Variants in LRRC7 observed in about 807,000 individuals in gnomAD.
The protein encoded by LRRC7 is leucine rich repeat containing 7, also known as leucine-rich repeat-containing protein 7.
Under a neutral mutation model 175.7 loss-of-function variants are expected in LRRC7, and 23 were observed. The observed-to-expected ratio is 0.13, with a 90% CI of 0.09 to 0.19. The LOEUF is 0.19. Ranked by LOEUF, LRRC7 falls within the 10% of genes least tolerant of loss-of-function variation. The pLI is 1.00. For missense variants in LRRC7, 1,354 were observed against 1,904.7 expected (o/e 0.71, Z 5.38); for synonymous variants, 685 against 680.9 (o/e 1.01, Z -0.09).
rs1263130626 is a variant in LRRC7, at chr1:70,137,960, G to A, written c.*16073G>A. 1 of 152,144 alleles carries A rather than the reference G, an allele frequency of 6.6e-6. No homozygotes were observed. Among genetic ancestry groups the A allele is most frequent in the Non-Finnish European group, 1.5e-5 (1 of 68,016 alleles). 9.4% of individuals were successfully genotyped at this position (152,144 alleles called of 1,614,324 possible). On this transcript the variant is annotated 3_prime_UTR_variant, in exon 27 of 27. Transcript: ENST00000651989. ...CCCAGAGTTTTTGCTTGCTCTTTGAGGTTAAAATCAAAGATTTTTCACTCA... is the reference window on the plus strand; with the variant it reads ...CCCAGAGTTTTTGCTTGCTCTTTGAAGTTAAAATCAAAGATTTTTCACTCA...
intron 8 of LRRC7, among the ~76,000 whole-genome samples, chr1:69,939,762 C>T (rs533241029): frequency 1.3e-5 from 2 of 152,196 alleles, no homozygotes; most frequent in South Asian, 2.1e-4. Flanking sequence ...TGGTACTTGA[C>T]GTTTGTAGAA....
intron 2 of LRRC7, among the ~76,000 whole-genome samples, chr1:69,688,466 A>G (rs965441018): frequency 6.6e-6 from 1 of 152,162 alleles, no homozygotes. Context: ...GATGGTTTGC[A>G]TAACTGGAAG....
intron 7 of LRRC7, among the ~76,000 whole-genome samples, chr1:69,888,639 C>T (rs1342620184): frequency 6.6e-6 from 1 of 152,074 alleles, no homozygotes; most frequent in African/African-American, 2.4e-5. Context: ...CTTGGCTCCT[C>T]CTCCTGAGGA....
chr1:69,928,838 C>T (rs1448292758), intron 7 of LRRC7, among the ~76,000 whole-genome samples: 1 of 152,218 alleles, frequency 6.6e-6, no homozygotes, highest in African/African-American at 2.4e-5. Context: ...CTGTCTGGCA[C>T]TCCCTAGTGG....
At position 70,142,268 on chromosome 1, in the gene LRRC7, TTGTA is replaced by T. The variant is rs1250306561; in HGVS notation, c.*20386_*20389del. ...ATCTGGTTCAGGTCAGTAAGGACTG[TTGTA>T]TGTAAGTTTTACTCTAGAAAATTTG... On this transcript the variant is annotated 3_prime_UTR_variant, in exon 27 of 27. Coordinates refer to ENST00000651989, the MANE Select transcript of LRRC7 (RefSeq NM_001370785.2). The T allele has an allele frequency of 6.6e-5, 10 of 152,150 alleles. No individual in the cohort carries two copies. Among genetic ancestry groups the T allele is most frequent in the East Asian group, 1.9e-4 (1 of 5,198 alleles). 9.4% of individuals were successfully genotyped at this position (152,150 alleles called of 1,614,324 possible). A position where few individuals can be genotyped will look rare whatever the true frequency, so the allele number is the denominator to read the frequency against.
At chr1:69,726,792 C>T (rs1043408595) in intron 2 of LRRC7, among the ~76,000 whole-genome samples, 6 of 151,436 alleles carry the variant, frequency 4.0e-5, no homozygotes, top group Admixed American at 1.3e-4. Context: ...AAAAAGAATA[C>T]CAAGGAAAAA....
chr1:70,107,622 T>G (rs1315102121), intron 25 of LRRC7, 130 bp from the exon 26 acceptor site: 7 of 597,972 alleles, frequency 1.2e-5, no homozygotes, highest in Non-Finnish European at 2.1e-5. Context: ...TACTATAATA[T>G]TCTTTGAAGC....
At chr1:69,771,575 C>A (rs1310630848) in intron 3 of LRRC7, among the ~76,000 whole-genome samples, 2 of 151,964 alleles carry the variant, frequency 1.3e-5, no homozygotes, top group African/African-American at 4.8e-5. Flanking sequence ...ATTTTTCCTG[C>A]CAATTTTTGA....
rs1366611107 is a variant in LRRC7 at position 69,591,153 on chromosome 1, G to C, written c.2+22512G>C. 4.6e-5 allele frequency among the ~76,000 whole-genome samples: 7 copies of C among 152,194 alleles called. No individual in the cohort carries two copies. The East Asian group carries it at 9.7e-4, about 21-fold the overall frequency. ...GGATTACATATCAGAGGAATACCCT[G>C]TGCCAAGCCAATTATAGGAGTTTGC... On this transcript the variant is annotated intron_variant, in intron 1 of 26. Transcript: ENST00000651989.
chr1:69,783,143 T>C (rs1177125265), intron 3 of LRRC7, among the ~76,000 whole-genome samples: 1 of 152,186 alleles, frequency 6.6e-6, no homozygotes, highest in East Asian at 1.9e-4. Flanking sequence ...ATGTACAGCC[T>C]CTTGGGCTTT....
chr1:69,775,373 T>G lies in LRRC7; in HGVS notation c.303+14980T>G, dbSNP rs1269867318. Among the ~76,000 whole-genome samples the G allele has an allele frequency of 3.3e-5, 5 of 152,340 alleles. No individual in the cohort carries two copies. In the East Asian group the frequency reaches 9.6e-4, roughly 29 times the overall value. On this transcript the variant is annotated intron_variant, in intron 3 of 26. Transcript: ENST00000651989. ...TATATGACTTGACAGTTTGTTATAC[T>G]CTAGAGAATTAATCCCCTGTCAACT...
intron 2 of LRRC7, among the ~76,000 whole-genome samples, chr1:69,723,835 C>T (rs1557650875): frequency 6.6e-6 from 1 of 152,144 alleles, no homozygotes; most frequent in African/African-American, 2.4e-5. Flanking sequence ...GCAAGAGAGT[C>T]TCTGGGGTCG....
At chr1:69,571,793 G>A (rs572485311) in intron 1 of LRRC7, among the ~76,000 whole-genome samples, 1 of 152,102 alleles carries the variant, frequency 6.6e-6, no homozygotes, top group Admixed American at 6.5e-5. Context: ...CAGATTAACC[G>A]ACTACACGAA....
chr1:69,891,447 A>G (rs1372926708), intron 7 of LRRC7, among the ~76,000 whole-genome samples: 1 of 152,182 alleles, frequency 6.6e-6, no homozygotes, highest in East Asian at 1.9e-4. Flanking sequence ...ATCACTGATC[A>G]TTGGCTGGGC....
intron 7 of LRRC7, among the ~76,000 whole-genome samples, chr1:69,897,671 A>G (rs1481619194): frequency 6.6e-6 from 1 of 151,580 alleles, no homozygotes. Flanking sequence ...AAGGGACAGC[A>G]AAGGTTTATA....
At chr1:70,098,615 G>A (rs1191920288) in intron 25 of LRRC7, among the ~76,000 whole-genome samples, 4 of 152,018 alleles carry the variant, frequency 2.6e-5, no homozygotes, top group Admixed American at 2.0e-4. Flanking sequence ...TCAAATAGAT[G>A]CAATAAAAAA....
chr1:70,035,118 C>T (rs1158514865), intron 18 of LRRC7, among the ~76,000 whole-genome samples: 1 of 152,096 alleles, frequency 6.6e-6, no homozygotes, highest in African/African-American at 2.4e-5. Context: ...GTGCCCCAAA[C>T]TCACAAGATA....
chr1:70,047,761 T>C (rs1431670859), intron 22 of LRRC7, among the ~76,000 whole-genome samples: 3 of 152,028 alleles, frequency 2.0e-5, no homozygotes, highest in African/African-American at 7.2e-5. Context: ...TTACATCTTC[T>C]ATAATTTTAT....
chr1:69,797,107 TAG>T (rs1557741442), intron 4 of LRRC7, among the ~76,000 whole-genome samples: 2 of 152,130 alleles, frequency 1.3e-5, no homozygotes, highest in African/African-American at 4.8e-5. Flanking sequence ...AAGAATTATA[TAG>T]AGACATTCTT....
Sources: allele counts gnomAD v4.1 joint callset (sites outside exome capture counted in the v4.1 genomes callset), GRCh38; gene constraint gnomAD v4.1.1; transcripts MANE v1.5; gene names NCBI Gene and HGNC (gene_info 2026-07-23, HGNC 2026-07-21).